Variants in PLCL2 observed in about 807,000 individuals in gnomAD.
PLCL2 encodes inactive phospholipase C-like protein 2.
PLCL2 carries 4 observed loss-of-function variants against 79.6 expected under a neutral mutation model. The observed-to-expected ratio is 0.05, with a 90% CI of 0.02 to 0.11. The LOEUF is 0.11. PLCL2 is among the 10% of genes least tolerant of loss of function. The pLI is 1.00. For missense variants in PLCL2, 895 were observed against 1,291.0 expected (o/e 0.69, Z 4.70); for synonymous variants, 484 against 457.7 (o/e 1.06, Z -0.73).
intron 1 of PLCL2, among the ~76,000 whole-genome samples, chr3:16,963,064 G>GT (rs2063771146): frequency 6.6e-6 from 1 of 151,930 alleles, no homozygotes; most frequent in Non-Finnish European, 1.5e-5. Context: ...AAGCAGTAAG[G>GT]AATAGTTTGG....
At chr3:16,960,328 T>G (rs935769368) in intron 1 of PLCL2, among the ~76,000 whole-genome samples, 1 of 152,210 alleles carries the variant, frequency 6.6e-6, no homozygotes, top group African/African-American at 2.4e-5. Flanking sequence ...CTGGTCCATC[T>G]TACCTCGCCT....
At chr3:16,922,500 G>A (rs1393226923) in intron 1 of PLCL2, among the ~76,000 whole-genome samples, 1 of 152,078 alleles carries the variant, frequency 6.6e-6, no homozygotes, top group Non-Finnish European at 1.5e-5. Flanking sequence ...TCCTATGCAT[G>A]TATGCATTTG....
chr3:17,050,061 G>A (rs530242422), intron 4 of PLCL2, among the ~76,000 whole-genome samples: 9 of 152,256 alleles, frequency 5.9e-5, no homozygotes, highest in Admixed American at 5.9e-4. Flanking sequence ...TGACAAGGGT[G>A]TCAAGATTAT....
chr3:17,049,017 C>T (rs1396417643), intron 4 of PLCL2, among the ~76,000 whole-genome samples: 2 of 151,362 alleles, frequency 1.3e-5, no homozygotes, highest in African/African-American at 4.8e-5. Flanking sequence ...AAGGACTGTT[C>T]TAAAAAAAAA....
At chr3:16,945,245 C>T (rs374261244) in intron 1 of PLCL2, among the ~76,000 whole-genome samples, 1 of 147,674 alleles carries the variant, frequency 6.8e-6, no homozygotes, top group Admixed American at 6.7e-5. Context: ...CACATACACA[C>T]ACACACACAC....
At chr3:17,006,248 C>T (rs1408147368) in intron 1 of PLCL2, among the ~76,000 whole-genome samples, 1 of 152,212 alleles carries the variant, frequency 6.6e-6, no homozygotes, top group Non-Finnish European at 1.5e-5. Context: ...CAATGAAAGA[C>T]AAGTTGAAAT....
intron 1 of PLCL2, among the ~76,000 whole-genome samples, chr3:16,932,050 C>G (rs549117495): frequency 6.6e-6 from 1 of 152,204 alleles, no homozygotes; most frequent in East Asian, 1.9e-4. Context: ...TCACCAGAAC[C>G]CGACCACACT....
chr3:16,988,897 A>G lies in PLCL2; in HGVS notation c.328-20777A>G, dbSNP rs993143011. Among the ~76,000 whole-genome samples, 6 of 152,178 alleles carry G rather than the reference A, an allele frequency of 3.9e-5. 1 individual carries two copies. The highest frequency in any genetic ancestry group is 1.4e-4 in the African/African-American group (6 of 41,412). On this transcript the variant is annotated intron_variant, in intron 1 of 5. Coordinates refer to ENST00000615277, the MANE Select transcript of PLCL2 (RefSeq NM_001144382.2). ...TTTCAAGTTATATTTGTGTCCTAGC[A>G]TACATTATAGCCTCTTAGATACTAT...
chr3:16,938,162 A>G (rs1390942214), intron 1 of PLCL2, among the ~76,000 whole-genome samples: 1 of 152,236 alleles, frequency 6.6e-6, no homozygotes, highest in African/African-American at 2.4e-5. Context: ...CTGGGCAAGC[A>G]GTTAATCATG....
At chr3:16,968,989 C>T (rs2063832464) in intron 1 of PLCL2, among the ~76,000 whole-genome samples, 1 of 152,092 alleles carries the variant, frequency 6.6e-6, no homozygotes, top group African/African-American at 2.4e-5. Flanking sequence ...GCCTTTTCTA[C>T]ATCTAATGAG....
rs145321586 is a variant in PLCL2 at position 16,959,946 on chromosome 3, A to T, written c.328-49728A>T. Among the ~76,000 whole-genome samples the T allele has an allele frequency of 4.2e-3, 645 of 152,274 alleles. 3 individuals are homozygous for T. The highest frequency in any genetic ancestry group is 0.015 in the African/African-American group (622 of 41,560). ...TAGTGAAACCCCGTCTCTGCTAAAAATACAAAAGATTAGCTGGGCGTGGTG... is the reference window on the plus strand; with the variant it reads ...TAGTGAAACCCCGTCTCTGCTAAAATTACAAAAGATTAGCTGGGCGTGGTG... On this transcript the variant is annotated intron_variant, in intron 1 of 5. Coordinates refer to ENST00000615277, the MANE Select transcript of PLCL2 (RefSeq NM_001144382.2).
chr3:16,894,706 G>A (rs1181151778), intron 1 of PLCL2, among the ~76,000 whole-genome samples: 1 of 152,050 alleles, frequency 6.6e-6, no homozygotes, highest in Non-Finnish European at 1.5e-5. Context: ...GGCTAATGAT[G>A]TTGAACATCT....
At chr3:16,967,951 G>A (rs772835856) in intron 1 of PLCL2, among the ~76,000 whole-genome samples, 6 of 152,034 alleles carry the variant, frequency 3.9e-5, no homozygotes, top group Non-Finnish European at 7.4e-5. Context: ...ATGGTATAAG[G>A]AAGGGATCCA....
chr3:16,888,706 G>A (rs1287893870), intron 1 of PLCL2, among the ~76,000 whole-genome samples: 1 of 152,058 alleles, frequency 6.6e-6, no homozygotes, highest in African/African-American at 2.4e-5. Flanking sequence ...TTTGCAAATA[G>A]CTCAATCTTT....
intron 3 of PLCL2, among the ~76,000 whole-genome samples, chr3:17,038,769 A>G (rs1209498441): frequency 1.3e-5 from 2 of 152,168 alleles, no homozygotes; most frequent in African/African-American, 4.8e-5. Flanking sequence ...TGTGTGTAGC[A>G]CCTTTTAGGA....
At chr3:16,911,442 G>A (rs1696880499) in intron 1 of PLCL2, among the ~76,000 whole-genome samples, 1 of 152,114 alleles carries the variant, frequency 6.6e-6, no homozygotes, top group Admixed American at 6.5e-5. Context: ...AGCAGACAAA[G>A]AATACTCCAG....
chr3:16,893,763 A>G (rs542619717), intron 1 of PLCL2, among the ~76,000 whole-genome samples: 3 of 152,318 alleles, frequency 2.0e-5, no homozygotes, highest in Admixed American at 2.0e-4. Context: ...TTTTTTGTGA[A>G]TTTGTTTTTT....
At chr3:17,040,811 T>C (rs1032527806) in intron 3 of PLCL2, among the ~76,000 whole-genome samples, 2 of 152,150 alleles carry the variant, frequency 1.3e-5, no homozygotes, top group African/African-American at 4.8e-5. Flanking sequence ...CCAAGATGAG[T>C]TTCTCATCTG....
intron 2 of PLCL2, among the ~76,000 whole-genome samples, chr3:17,014,090 T>A (rs2064357199): frequency 6.6e-6 from 1 of 152,166 alleles, no homozygotes; most frequent in African/African-American, 2.4e-5. Context: ...ATGGCATATC[T>A]CTGGTGATTA....
Sources: allele counts gnomAD v4.1 joint callset (sites outside exome capture counted in the v4.1 genomes callset), GRCh38; gene constraint gnomAD v4.1.1; transcripts MANE v1.5; gene names NCBI Gene and HGNC (gene_info 2026-07-23, HGNC 2026-07-21).